The following TNPO2 variants were observed in gnomAD, a reference collection of about 807,000 sequenced individuals.
TNPO2 encodes the protein transportin-2.
In TNPO2, 16 loss-of-function variants were observed where a neutral mutation model predicts 111.1. That is an observed-to-expected ratio of 0.14 (90% confidence interval 0.10 to 0.22). The LOEUF (loss-of-function observed/expected upper bound fraction) is 0.22, where lower values mean the gene tolerates loss of function less well. Among genes scored for constraint, TNPO2 ranks in the 10% least tolerant of loss-of-function variants. The pLI is 1.00. For missense variants in TNPO2, 530 were observed against 1,173.7 expected (o/e 0.45, Z 8.01); for synonymous variants, 481 against 475.8 (o/e 1.01, Z -0.14).
At chr19:12,717,526 C>T (rs947341568) in intron 5 of TNPO2, among the ~76,000 whole-genome samples, 109 of 152,174 alleles carry the variant, frequency 7.2e-4, no homozygotes, top group African/African-American at 2.5e-3. Flanking sequence ...CCTGCCTCAG[C>T]CTCCCAAGGT....
Position 12,715,217 on chromosome 19 carries a change from T to G in TNPO2, c.648+26A>C, listed in dbSNP as rs779805330. On this transcript the variant is annotated intron_variant, in intron 8 of 25. Coordinates refer to ENST00000425528, the MANE Select transcript of TNPO2 (RefSeq NM_001382241.1). This position sits in a 1 kb window ranked among gnomAD's most constrained non-coding sequence, Gnocchi z 7.1. ...TTGTAGGGGCCCTCAGTCCTCGCCC[T>G]GCCCACCCCCAGCCCAGCGGCCCAC... 2 of 1,613,832 alleles carry G rather than the reference T, an allele frequency of 1.2e-6. No homozygotes were observed. The highest frequency in any genetic ancestry group is 1.7e-6 in the Non-Finnish European group (2 of 1,179,832).
intron 13 of TNPO2, 128 bp downstream of exon 13, chr19:12,710,493 G>C (rs1227675359): frequency 1.8e-6 from 2 of 1,107,916 alleles, no homozygotes; most frequent in African/African-American, 3.3e-5. Flanking sequence ...GGAGAATTGA[G>C]ATCTCAGAGC....
rs184328203 is a variant in TNPO2, at chr19:12,702,427, C to T, written c.2306-250G>A. 4.7e-6 allele frequency: 3 copies of T among 640,670 alleles called. No individual in the cohort carries two copies. Among genetic ancestry groups the T allele is most frequent in the South Asian group, 3.1e-5 (2 of 65,342 alleles). 39.7% of individuals were successfully genotyped at this position (640,670 alleles called of 1,614,324 possible). On this transcript the variant is annotated intron_variant, in intron 21 of 25. Transcript: ENST00000425528. This position sits in a 1 kb window ranked among gnomAD's most constrained non-coding sequence, Gnocchi z 5.5. ...GTTTTGTTTTTGAGATGGAGTCTTG[C>T]TCTGTTGCCCAGGCTGGAGTGCAGT...
At position 12,706,873 on chromosome 19, in the gene TNPO2, G is replaced by T; in HGVS notation, c.1271-78C>A. On this transcript the variant is annotated intron_variant, in intron 13 of 25. Coordinates refer to ENST00000425528, the MANE Select transcript of TNPO2 (RefSeq NM_001382241.1). The surrounding 1 kb of genome is among the most constrained non-coding windows in gnomAD (Gnocchi z 7.0). ...CACCGTATGGAGAGAAGAGTCAGCC[G>T]CACACAACATATAGGGAAACTGAGG... 8.3e-7 allele frequency: 1 copy of T among 1,200,062 alleles called. No homozygotes were observed. The highest frequency in any genetic ancestry group is 1.2e-6 in the Non-Finnish European group (1 of 835,696). The allele number at this position is 1,200,062 out of a possible 1,614,324, so 74.3% of individuals were successfully genotyped here. A position where few individuals can be genotyped will look rare whatever the true frequency, so the allele number is the denominator to read the frequency against.
Position 12,702,150 on chromosome 19 carries a change from G to A in TNPO2, c.2333C>T (p.Pro778Leu), listed in dbSNP as rs1447448721. The A allele has an allele frequency of 6.2e-7, 1 of 1,613,322 alleles. No homozygotes were observed. The highest frequency in any genetic ancestry group is 8.5e-7 in the Non-Finnish European group (1 of 1,179,792). The change falls in exon 22 of 26, where the codon CCA becomes CTA. Residue 778 changes from proline (P) to leucine (L), a missense_variant. Coordinates refer to ENST00000425528, the MANE Select transcript of TNPO2 (RefSeq NM_001382241.1). The surrounding 1 kb of genome is among the most constrained non-coding windows in gnomAD (Gnocchi z 5.5). ...TGRLTSPSAI[P>L]AITIGRLGYV... ...GCCCAAGCGGCCGATGGTGATGGCTGGAATGGCAGAGGGACTCGTCAGGCG... is the reference window on the plus strand; with the variant it reads ...GCCCAAGCGGCCGATGGTGATGGCTAGAATGGCAGAGGGACTCGTCAGGCG...
In TNPO2 at chr19:12,705,674, C is replaced by G. The variant is rs1034110729; in HGVS notation, c.1755+8G>C. 4 of 1,538,870 alleles carry G rather than the reference C, an allele frequency of 2.6e-6. No homozygotes were observed. The Admixed American group carries it at 8.0e-5, about 31-fold the overall frequency. The stretch of plus-strand genomic sequence containing the variant: ...TGGGTTTCGGGTGAGGGGCAGGAGC[C>G]CACTCACCTCCAGCAGGGGGAAGAG... On this transcript the variant is annotated splice_region_variant and intron_variant, in intron 16 of 25. Coordinates refer to ENST00000425528, the MANE Select transcript of TNPO2 (RefSeq NM_001382241.1). The surrounding 1 kb of genome is among the most constrained non-coding windows in gnomAD (Gnocchi z 7.2).
At chr19:12,708,859 A>C (rs1188877465) in intron 13 of TNPO2, among the ~76,000 whole-genome samples, 2 of 151,614 alleles carry the variant, frequency 1.3e-5, no homozygotes, top group African/African-American at 4.8e-5. Flanking sequence ...CAGTAAGAGC[A>C]AAACTCCGTC....
Position 12,721,554 on chromosome 19 carries a change from TG to T in TNPO2, c.-13-565del. The T allele has an allele frequency of 2.9e-6, 1 of 340,120 alleles. No individual in the cohort carries two copies. The highest frequency in any genetic ancestry group is 5.7e-6 in the Non-Finnish European group (1 of 175,452). The allele number at this position is 340,120 out of a possible 1,614,324, so 21.1% of individuals were successfully genotyped here. ...ATGCGCCCTCCCAAGACGATCGTCC[TG>T]ATCTCTCCTGTCCCCTGTTCCTGCC... On this transcript the variant is annotated intron_variant, in intron 2 of 25. Transcript: ENST00000425528. This position sits in a 1 kb window ranked among gnomAD's most constrained non-coding sequence, Gnocchi z 4.9.
chr19:12,707,576 G>C (rs1320822716), intron 13 of TNPO2, among the ~76,000 whole-genome samples: 1 of 130,432 alleles, frequency 7.7e-6, no homozygotes, highest in Non-Finnish European at 1.5e-5. Context: ...TGCAGCCTCT[G>C]CCTCCCGGGT....
rs202155275 is a variant in TNPO2 at position 12,705,004 on chromosome 19, C to CT, written c.2022+235dup. ...CATTTTCTATTTTCAATACTGTTTGCTTTAAAAAAAATTTTTTTTTTTAAT... is the reference window on the plus strand; with the variant it reads ...CATTTTCTATTTTCAATACTGTTTGCTTTTAAAAAAAATTTTTTTTTTTAAT... On this transcript the variant is annotated intron_variant, in intron 18 of 25. Coordinates refer to ENST00000425528, the MANE Select transcript of TNPO2 (RefSeq NM_001382241.1). This position sits in a 1 kb window ranked among gnomAD's most constrained non-coding sequence, Gnocchi z 7.2. Among the ~76,000 whole-genome samples, 163 of 152,152 alleles carry CT rather than the reference C, an allele frequency of 1.1e-3. No homozygotes were observed. Among genetic ancestry groups the CT allele is most frequent in the African/African-American group, 3.1e-3 (127 of 41,492 alleles).
At position 12,715,582 on chromosome 19, in the gene TNPO2, T is replaced by C; in HGVS notation, c.433-44A>G. 1.2e-6 allele frequency: 2 copies of C among 1,613,468 alleles called. No homozygotes were observed. Among genetic ancestry groups the C allele is most frequent in the Non-Finnish European group, 1.7e-6 (2 of 1,179,540 alleles). On this transcript the variant is annotated intron_variant, in intron 6 of 25. Transcript: ENST00000425528. The surrounding 1 kb of genome is among the most constrained non-coding windows in gnomAD (Gnocchi z 7.1). The stretch of plus-strand genomic sequence containing the variant: ...AGAGACAAACGTGGGTGGTGGGTGG[T>C]GGTCCCAGCCCCCCAGTACTCGCTC...
intron 19 of TNPO2, 49 bp downstream of exon 19, chr19:12,703,665 T>C: frequency 3.8e-6 from 6 of 1,596,160 alleles, no homozygotes; most frequent in African/African-American, 1.3e-5. Flanking sequence ...TCTCCATCAC[T>C]TGAGGCCGGG....
At chr19:12,717,147 T>A (rs1247404039) in intron 5 of TNPO2, among the ~76,000 whole-genome samples, 1 of 143,526 alleles carries the variant, frequency 7.0e-6, no homozygotes, top group African/African-American at 3.0e-5. Context: ...AGGTACACAG[T>A]GAGGATTGTG....
In TNPO2 at chr19:12,720,966, C is replaced by T; in HGVS notation, c.12G>A (p.Gln4=). 1 of 1,588,170 alleles carries T rather than the reference C, an allele frequency of 6.3e-7. No homozygotes were observed. The highest frequency in any genetic ancestry group is 8.5e-7 in the Non-Finnish European group (1 of 1,169,678). The change falls in exon 3 of 26, where the codon CAG becomes CAA. Residue 4 remains glutamine (Q), a synonymous_variant. Transcript: ENST00000425528. MDW[Q]PDEQGLQQVL... is the part of the protein sequence containing the mutation. ...CCTGCTGCAGGCCCTGCTCGTCTGG[C>T]TGCCAGTCCATGGCGCAAGGCAAGC...
Position 12,701,113 on chromosome 19 carries a change from C to A in TNPO2, c.*151G>T. Reference sequence around the variant, plus strand: ...GCAAGTGGACGGATGGACGGACGGACGGACGGACGGGGAAGGCATCTGGAT... The same window carrying A: ...GCAAGTGGACGGATGGACGGACGGAAGGACGGACGGGGAAGGCATCTGGAT... On this transcript the variant is annotated 3_prime_UTR_variant, in exon 26 of 26. Transcript: ENST00000425528. The surrounding 1 kb of genome is among the most constrained non-coding windows in gnomAD (Gnocchi z 5.0). 2 of 478,130 alleles carry A rather than the reference C, an allele frequency of 4.2e-6. No homozygotes were observed. Among genetic ancestry groups the A allele is most frequent in the Non-Finnish European group, 7.5e-6 (2 of 268,270 alleles). The allele number at this position is 478,130 out of a possible 1,614,324, so 29.6% of individuals were successfully genotyped here.
intron 13 of TNPO2, among the ~76,000 whole-genome samples, chr19:12,708,342 T>C (rs2025823317): frequency 1.4e-5 from 2 of 146,924 alleles, no homozygotes; most frequent in Non-Finnish European, 3.0e-5. Context: ...ATGTTGGCCA[T>C]GCTGGTCTTG....
At position 12,719,703 on chromosome 19, in the gene TNPO2, G is replaced by A. The variant is rs537279325; in HGVS notation, c.100-367C>T. On this transcript the variant is annotated intron_variant, in intron 3 of 25. Coordinates refer to ENST00000425528, the MANE Select transcript of TNPO2 (RefSeq NM_001382241.1). The surrounding 1 kb of genome is among the most constrained non-coding windows in gnomAD (Gnocchi z 5.0). ...ATTCCCAACTACTTGGGAGGCTGACGCAGGGGAATCGCTTGAACCCAGCAG... is the reference window on the plus strand; with the variant it reads ...ATTCCCAACTACTTGGGAGGCTGACACAGGGGAATCGCTTGAACCCAGCAG... Among the ~76,000 whole-genome samples the A allele has an allele frequency of 1.3e-5, 2 of 152,136 alleles. No homozygotes were observed. Among genetic ancestry groups the A allele is most frequent in the East Asian group, 1.9e-4 (1 of 5,162 alleles).
In TNPO2 at chr19:12,705,229, T is replaced by G. The variant is rs1599409402; in HGVS notation, c.2022+11A>C. The G allele has an allele frequency of 6.3e-7, 1 of 1,597,864 alleles. No homozygotes were observed. Among genetic ancestry groups the G allele is most frequent in the South Asian group, 1.1e-5 (1 of 88,296 alleles). Reference sequence around the variant, plus strand: ...TGCTGGGTGTCATCACTGTCCAGGGTCCCCACCCACCTGCATGCACTGGAA... The same window carrying G: ...TGCTGGGTGTCATCACTGTCCAGGGGCCCCACCCACCTGCATGCACTGGAA... On this transcript the variant is annotated intron_variant, in intron 18 of 25. Coordinates refer to ENST00000425528, the MANE Select transcript of TNPO2 (RefSeq NM_001382241.1). This position sits in a 1 kb window ranked among gnomAD's most constrained non-coding sequence, Gnocchi z 7.2.
At chr19:12,711,259 T>C in intron 12 of TNPO2, 37 bp downstream of exon 12, 2 of 1,602,246 alleles carry the variant, frequency 1.2e-6, no homozygotes, top group African/African-American at 2.7e-5. Context: ...GTCCAGGGCT[T>C]GCCACCCCAC....
Sources: gnomAD v4.1 joint callset for allele counts (sites outside exome capture counted in the v4.1 genomes callset) on GRCh38, gnomAD v4.1.1 for gene constraint, Gnocchi (gnomAD v3.1) non-coding constraint, MANE v1.5 for transcripts, NCBI Gene and HGNC (gene_info 2026-07-23, HGNC 2026-07-21) for gene names.